The following DNER variants were observed in gnomAD, a reference collection of about 807,000 sequenced individuals.
DNER encodes the protein delta/notch like EGF repeat containing.
A neutral mutation model predicts 78.2 loss-of-function variants in DNER; 33 were observed. That is an observed-to-expected ratio of 0.42 (90% CI 0.32 to 0.56). DNER has a LOEUF of 0.56. Among genes scored for constraint, DNER ranks in the 20% least tolerant of loss-of-function variants. The pLI, the probability that DNER is intolerant of heterozygous loss-of-function variation, is 0.11. For synonymous variants in DNER, 417 were observed against 384.8 expected, an observed-to-expected ratio of 1.08 and a Z score of -0.98; for missense variants, 918 against 975.3, an observed-to-expected ratio of 0.94 and a Z score of 0.78.
chr2:229,689,685 C>G (rs1006319799), intron 1 of DNER, among the ~76,000 whole-genome samples: 1 of 152,144 alleles, frequency 6.6e-6, no homozygotes, highest in East Asian at 1.9e-4. Context: ...GGGGCAGATA[C>G]CACCAATGGC....
chr2:229,386,979 T>C (rs1692881618), intron 11 of DNER, among the ~76,000 whole-genome samples: 2 of 152,186 alleles, frequency 1.3e-5, no homozygotes, highest in South Asian at 4.1e-4. Context: ...TTACTGGGTA[T>C]ATACCCAAAG....
At chr2:229,454,156 T>C (rs1179864782) in intron 7 of DNER, among the ~76,000 whole-genome samples, 1 of 152,146 alleles carries the variant, frequency 6.6e-6, no homozygotes, top group African/African-American at 2.4e-5. Context: ...CCAGCTAAGC[T>C]TGCCCAAATT....
intron 8 of DNER, among the ~76,000 whole-genome samples, chr2:229,433,889 T>A (rs1333753699): frequency 6.6e-6 from 1 of 152,348 alleles, no homozygotes; most frequent in South Asian, 2.1e-4. Context: ...GCTCTGAAGG[T>A]AATTTATGTT....
intron 1 of DNER, among the ~76,000 whole-genome samples, chr2:229,645,969 A>G (rs1698710794): frequency 1.3e-5 from 2 of 152,216 alleles, no homozygotes; most frequent in Admixed American, 6.5e-5. Flanking sequence ...TCAACCAGAA[A>G]TAAGTTGTCT....
At chr2:229,440,604 A>G (rs1258650209) in intron 8 of DNER, among the ~76,000 whole-genome samples, 2 of 152,158 alleles carry the variant, frequency 1.3e-5, no homozygotes, top group African/African-American at 4.8e-5. Context: ...GCATCCATAC[A>G]ATGGGAACTC....
intron 7 of DNER, among the ~76,000 whole-genome samples, chr2:229,472,906 G>T (rs1302029858): frequency 6.6e-6 from 1 of 152,192 alleles, no homozygotes; most frequent in Non-Finnish European, 1.5e-5. Flanking sequence ...CAGTGTAGAA[G>T]GGCAGACGTG....
intron 1 of DNER, among the ~76,000 whole-genome samples, chr2:229,685,015 C>A (rs1173081817): frequency 2.6e-5 from 4 of 152,178 alleles, no homozygotes; most frequent in Non-Finnish European, 5.9e-5. Context: ...AAAATGCAAT[C>A]TGGATAATCA....
intron 4 of DNER, among the ~76,000 whole-genome samples, chr2:229,571,851 GCC>G (rs1697223509): frequency 6.6e-6 from 1 of 151,708 alleles, no homozygotes; most frequent in Admixed American, 6.6e-5. Flanking sequence ...ACACCCATAG[GCC>G]TGCTTTTGCT....
At chr2:229,666,776 G>T (rs1309917308) in intron 1 of DNER, among the ~76,000 whole-genome samples, 1 of 152,196 alleles carries the variant, frequency 6.6e-6, no homozygotes, top group Non-Finnish European at 1.5e-5. Context: ...ATACCATTCT[G>T]TTGGGAGCCA....
intron 8 of DNER, among the ~76,000 whole-genome samples, chr2:229,441,538 A>C (rs1694234907): frequency 6.6e-6 from 1 of 152,154 alleles, no homozygotes. Flanking sequence ...TGAATGCTGG[A>C]TGCTGTCAGA....
intron 11 of DNER, 46 bp downstream of exon 11, chr2:229,388,219 A>G (rs769405660): frequency 4.5e-6 from 7 of 1,558,114 alleles, no homozygotes; most frequent in Admixed American, 1.9e-5. Flanking sequence ...CTTAAGTAAC[A>G]GCTATAAATG....
intron 8 of DNER, among the ~76,000 whole-genome samples, chr2:229,447,086 AT>A (rs926416886): frequency 3.9e-5 from 6 of 152,142 alleles, no homozygotes; most frequent in African/African-American, 1.2e-4. Context: ...ATGAAAGAGT[AT>A]TTTTTTAACC....
intron 5 of DNER, among the ~76,000 whole-genome samples, chr2:229,516,800 A>AAAAAAAAAAAAAAAAAAAAG: frequency 7.6e-6 from 1 of 131,236 alleles, no homozygotes; most frequent in Non-Finnish European, 1.6e-5. Context: ...AAAAAAAAAA[A>AAAAAAAAAAAAAAAAAAAAG]AAAAGAAAAG....
At chr2:229,416,527 G>C (rs576552175) in intron 9 of DNER, among the ~76,000 whole-genome samples, 1 of 152,266 alleles carries the variant, frequency 6.6e-6, no homozygotes, top group South Asian at 2.1e-4. Context: ...CAAAAAATGG[G>C]GGGGCCAGCT....
At chr2:229,662,845 A>G (rs937385264) in intron 1 of DNER, among the ~76,000 whole-genome samples, 2 of 152,258 alleles carry the variant, frequency 1.3e-5, no homozygotes, top group African/African-American at 4.8e-5. Context: ...TGGGAAAGCC[A>G]TAAGGAAGAC....
At chr2:229,686,938 T>C (rs1329027793) in intron 1 of DNER, among the ~76,000 whole-genome samples, 1 of 152,202 alleles carries the variant, frequency 6.6e-6, no homozygotes. Flanking sequence ...AATCTTTACA[T>C]AACTTAAAGG....
intron 9 of DNER, among the ~76,000 whole-genome samples, chr2:229,410,968 T>G (rs1430171036): frequency 2.0e-5 from 3 of 152,188 alleles, no homozygotes; most frequent in African/African-American, 7.2e-5. Flanking sequence ...TCTTTATAGA[T>G]CTCAACATTT....
At chr2:229,712,607 T>A (rs1198594048) in intron 1 of DNER, among the ~76,000 whole-genome samples, 1 of 152,232 alleles carries the variant, frequency 6.6e-6, no homozygotes, top group Admixed American at 6.5e-5. Flanking sequence ...ATATAAATCA[T>A]CAATCCACAG....
intron 1 of DNER, among the ~76,000 whole-genome samples, chr2:229,666,604 C>A (rs1002245614): frequency 6.6e-6 from 1 of 152,114 alleles, no homozygotes; most frequent in African/African-American, 2.4e-5. Context: ...CAGCTCTGAA[C>A]TCAAAGGAAA....
Sources: allele counts gnomAD v4.1 joint callset (sites outside exome capture counted in the v4.1 genomes callset), GRCh38; gene constraint gnomAD v4.1.1; transcripts MANE v1.5; gene names NCBI Gene and HGNC (gene_info 2026-07-23, HGNC 2026-07-21).